Variants in NCS1 observed in about 807,000 individuals in gnomAD.
NCS1 encodes neuronal calcium sensor 1, also known as frequenin homolog.
In NCS1, 6 loss-of-function variants were observed where a neutral mutation model predicts 28.4. The ratio of observed to expected loss-of-function variants is 0.21; its 90% CI spans 0.12 to 0.42. The LOEUF is 0.42. Ranked by LOEUF, NCS1 falls within the 10% of genes least tolerant of loss-of-function variation. NCS1 has a pLI of 1.00. For missense variants in NCS1, 131 were observed against 241.4 expected, an observed-to-expected ratio of 0.54 and a Z score of 3.03; for synonymous variants, 86 against 99.3, an observed-to-expected ratio of 0.87 and a Z score of 0.79.
Position 130,208,051 on chromosome 9 carries a change from C to T in NCS1, c.89+7069C>T, listed in dbSNP as rs529217231. Among the ~76,000 whole-genome samples, 12 of 152,214 alleles carry T rather than the reference C, an allele frequency of 7.9e-5. No homozygotes were observed. The East Asian group carries it at 2.1e-3, about 27-fold the overall frequency. ...GCTTAAGAAATGGCAGATCCCAGGC[C>T]TGTAAAGGTGACTGTGAGCTCTGTA... On this transcript the variant is annotated intron_variant, in intron 2 of 7. Coordinates refer to ENST00000372398, the MANE Select transcript of NCS1 (RefSeq NM_014286.4).
rs565287897 is a variant in NCS1, at chr9:130,175,505, G to A, written c.64+2778G>A. Among the ~76,000 whole-genome samples the A allele has an allele frequency of 1.5e-4, 23 of 152,322 alleles. No individual in the cohort carries two copies. Among genetic ancestry groups the A allele is most frequent in the African/African-American group, 5.3e-4 (22 of 41,578 alleles). On this transcript the variant is annotated intron_variant, in intron 1 of 7. Transcript: ENST00000372398. The surrounding 1 kb of genome is among the most constrained non-coding windows in gnomAD (Gnocchi z 4.9). ...GACACGTGTTTGTGCTGCAGATGGT[G>A]GTCCTGGGGAGCCCGGATTGAAGAC...
intron 2 of NCS1, among the ~76,000 whole-genome samples, chr9:130,216,165 T>C (rs1206859374): frequency 1.3e-5 from 2 of 152,200 alleles, no homozygotes; most frequent in African/African-American, 4.8e-5. Context: ...CCTCTCTGTA[T>C]GGACCCTAAT....
Position 130,226,888 on chromosome 9 carries a change from G to C in NCS1, c.*17+384G>C, listed in dbSNP as rs1378290051. 6.6e-6 allele frequency among the ~76,000 whole-genome samples: 1 copy of C among 151,898 alleles called. No individual in the cohort carries two copies. The highest frequency in any genetic ancestry group is 1.9e-4 in the East Asian group (1 of 5,162). On this transcript the variant is annotated intron_variant, in intron 7 of 7. Transcript: ENST00000372398. The surrounding 1 kb of genome is among the most constrained non-coding windows in gnomAD (Gnocchi z 4.8). ...AAAAATACAAAAATCAGGCGGGCGT[G>C]GTGGTGCGCACCTAGTCTCAGCTAC...
chr9:130,183,168 A>G (rs1428748625), intron 1 of NCS1, among the ~76,000 whole-genome samples: 1 of 152,098 alleles, frequency 6.6e-6, no homozygotes, highest in Non-Finnish European at 1.5e-5. Context: ...CAGGGAGTTG[A>G]GAGTTGGGTC....
intron 1 of NCS1, 126 bp from the exon 2 acceptor site, chr9:130,200,832 G>A: frequency 2.7e-6 from 4 of 1,470,400 alleles, no homozygotes; most frequent in South Asian, 2.3e-5. Context: ...TCCAGAGCAG[G>A]CCGTTGCCCG....
chr9:130,216,125 G>A (rs1404871520), intron 2 of NCS1, among the ~76,000 whole-genome samples: 2 of 152,178 alleles, frequency 1.3e-5, no homozygotes, highest in African/African-American at 4.8e-5. Flanking sequence ...TCTTCATTGG[G>A]GAGGGGGACG....
At chr9:130,206,376 T>A (rs944140975) in intron 2 of NCS1, among the ~76,000 whole-genome samples, 1 of 149,294 alleles carries the variant, frequency 6.7e-6, no homozygotes, top group African/African-American at 2.5e-5. Context: ...CTGGCACCCA[T>A]TCTTGTTCTT....
Position 130,233,974 on chromosome 9 carries a change from G to A in NCS1, c.*1002G>A, listed in dbSNP as rs1261343945. On this transcript the variant is annotated 3_prime_UTR_variant, in exon 8 of 8. Transcript: ENST00000372398. This position sits in a 1 kb window ranked among gnomAD's most constrained non-coding sequence, Gnocchi z 4.8. Reference sequence around the variant, plus strand: ...GGTCCGTAACATTTTTTCCGAGGATGAACAGGGGACATCTTTAGGTTTCTC... The same window carrying A: ...GGTCCGTAACATTTTTTCCGAGGATAAACAGGGGACATCTTTAGGTTTCTC... 2 of 152,090 alleles carry A rather than the reference G, an allele frequency of 1.3e-5. No homozygotes were observed. The highest frequency in any genetic ancestry group is 2.4e-5 in the African/African-American group (1 of 41,376). The allele number at this position is 152,090 out of a possible 1,614,324, so 9.4% of individuals were successfully genotyped here. A position where few individuals can be genotyped will look rare whatever the true frequency, so the allele number is the denominator to read the frequency against.
Position 130,209,146 on chromosome 9 carries a change from G to A in NCS1, c.89+8164G>A, listed in dbSNP as rs536338215. On this transcript the variant is annotated intron_variant, in intron 2 of 7. Transcript: ENST00000372398. This position sits in a 1 kb window ranked among gnomAD's most constrained non-coding sequence, Gnocchi z 4.4. ...AATAATTTGCCGAGGCTGCCGCTGC[G>A]CCCATCCCCGCTGCGCCTGGCTGAT... 3.9e-5 allele frequency among the ~76,000 whole-genome samples: 6 copies of A among 152,248 alleles called. No homozygotes were observed. The East Asian group carries it at 9.7e-4, about 25-fold the overall frequency.
chr9:130,174,792 A>AAAAAAAAAAAAAAAAC (rs1832539594), intron 1 of NCS1, among the ~76,000 whole-genome samples: 1 of 147,648 alleles, frequency 6.8e-6, no homozygotes, highest in Admixed American at 6.7e-5. Flanking sequence ...TCTGTCTCCA[A>AAAAAAAAAAAAAAAAC]AAAAAAAAAA....
intron 1 of NCS1, among the ~76,000 whole-genome samples, chr9:130,198,258 G>C (rs1396748446): frequency 6.6e-6 from 1 of 152,178 alleles, no homozygotes; most frequent in Non-Finnish European, 1.5e-5. Flanking sequence ...GTAGTTGGGG[G>C]TGAGGAAGGA....
At chr9:130,231,686 A>C (rs1277775172) in intron 7 of NCS1, among the ~76,000 whole-genome samples, 2 of 151,920 alleles carry the variant, frequency 1.3e-5, no homozygotes, top group African/African-American at 2.4e-5. Flanking sequence ...ACCTGGCCTG[A>C]GTATGGATTT....
intron 1 of NCS1, among the ~76,000 whole-genome samples, chr9:130,198,594 T>C (rs1475159970): frequency 1.3e-5 from 2 of 152,318 alleles, no homozygotes; most frequent in South Asian, 4.1e-4. Context: ...GCAGACCCAT[T>C]GGAACTTCAA....
chr9:130,215,529 C>T lies in NCS1; in HGVS notation c.90-2303C>T, dbSNP rs1833169480. ...ACGGGAGGGACGGATGCTGGGGTCG[C>T]ACACTGGCCGGCAGGGCAGAGGACA... On this transcript the variant is annotated intron_variant, in intron 2 of 7. Coordinates refer to ENST00000372398, the MANE Select transcript of NCS1 (RefSeq NM_014286.4). This position sits in a 1 kb window ranked among gnomAD's most constrained non-coding sequence, Gnocchi z 4.2. 6.6e-6 allele frequency among the ~76,000 whole-genome samples: 1 copy of T among 152,180 alleles called. No homozygotes were observed. Among genetic ancestry groups the T allele is most frequent in the Non-Finnish European group, 1.5e-5 (1 of 68,024 alleles).
At chr9:130,224,078 C>T (rs1833375899) in intron 6 of NCS1, among the ~76,000 whole-genome samples, 1 of 151,560 alleles carries the variant, frequency 6.6e-6, no homozygotes, top group Admixed American at 6.6e-5. Context: ...GATCTCCTGA[C>T]TTCGTGATCC....
intron 1 of NCS1, among the ~76,000 whole-genome samples, chr9:130,195,820 C>T (rs533555952): frequency 2.6e-4 from 39 of 152,324 alleles, no homozygotes; most frequent in Middle Eastern, 6.8e-3. Flanking sequence ...GAGGCTGGAA[C>T]GGTCAGAGGA....
At chr9:130,174,848 AT>A (rs1832541186) in intron 1 of NCS1, among the ~76,000 whole-genome samples, 1 of 143,890 alleles carries the variant, frequency 6.9e-6, no homozygotes, top group East Asian at 2.4e-4. Context: ...CTAGAAGCCC[AT>A]GATGGTGGAT....
intron 6 of NCS1, among the ~76,000 whole-genome samples, chr9:130,225,165 C>G (rs1554911229): frequency 6.6e-6 from 1 of 152,232 alleles, no homozygotes; most frequent in Non-Finnish European, 1.5e-5. Context: ...GCACTCCAGC[C>G]TGGGTGACAG....
chr9:130,220,170 C>T (rs1372641003), intron 4 of NCS1, among the ~76,000 whole-genome samples: 2 of 152,158 alleles, frequency 1.3e-5, no homozygotes, highest in African/African-American at 4.8e-5. Flanking sequence ...AGACTTGGGC[C>T]GCAGGAGGGT....
Sources: allele counts gnomAD v4.1 joint callset (sites outside exome capture counted in the v4.1 genomes callset), GRCh38; gene constraint gnomAD v4.1.1; non-coding constraint Gnocchi (gnomAD v3.1); transcripts MANE v1.5; gene names NCBI Gene and HGNC (gene_info 2026-07-23, HGNC 2026-07-21).